The following PLCE1 variants were observed in gnomAD, a reference collection of about 807,000 sequenced individuals.
PLCE1 encodes the protein 1-phosphatidylinositol 4,5-bisphosphate phosphodiesterase epsilon-1.
Under a neutral mutation model 242.8 loss-of-function variants are expected in PLCE1, and 119 were observed. That is an observed-to-expected ratio of 0.49 (90% CI 0.42 to 0.57). The LOEUF (loss-of-function observed/expected upper bound fraction) is 0.57. PLCE1 is among the 20% of genes least tolerant of loss of function. The pLI is 0.00. For missense variants in PLCE1, 2,441 were observed against 2,788.8 expected, an observed-to-expected ratio of 0.88 and a Z score of 2.81; for synonymous variants, 945 against 1,017.4, an observed-to-expected ratio of 0.93 and a Z score of 1.35.
chr10:94,147,901 C>T (rs1342324534), intron 3 of PLCE1, among the ~76,000 whole-genome samples: 2 of 152,186 alleles, frequency 1.3e-5, no homozygotes, highest in Non-Finnish European at 2.9e-5. Context: ...AAATAAAGCA[C>T]TGTTCTTAAT....
At chr10:94,126,989 G>T (rs774920003) in intron 2 of PLCE1, among the ~76,000 whole-genome samples, 1 of 152,112 alleles carries the variant, frequency 6.6e-6, no homozygotes, top group East Asian at 1.9e-4. Flanking sequence ...GAGAAATCTG[G>T]GTTTCTATCC....
chr10:94,138,511 G>A, intron 3 of PLCE1: 1 of 470,024 alleles, frequency 2.1e-6, no homozygotes, highest in South Asian at 1.7e-5. Flanking sequence ...TAATGGAGAT[G>A]TTCCAGCCTA....
chr10:94,248,409 T>C (rs1343301558), intron 8 of PLCE1, among the ~76,000 whole-genome samples: 3 of 152,148 alleles, frequency 2.0e-5, no homozygotes, highest in Non-Finnish European at 4.4e-5. Flanking sequence ...GAGACCAGCC[T>C]GGCCAACATG....
chr10:94,038,434 C>T (rs1160668753), intron 2 of PLCE1, among the ~76,000 whole-genome samples: 1 of 152,152 alleles, frequency 6.6e-6, no homozygotes, highest in East Asian at 1.9e-4. Context: ...TTCAGAGCTT[C>T]ACATTAAATA....
chr10:94,243,528 A>T (rs180672847), intron 7 of PLCE1, among the ~76,000 whole-genome samples: 5 of 152,236 alleles, frequency 3.3e-5, no homozygotes, highest in Non-Finnish European at 2.9e-5. Context: ...CTAATGTAAG[A>T]TGTTAATAGG....
At chr10:94,150,056 C>T (rs968277110) in intron 3 of PLCE1, among the ~76,000 whole-genome samples, 5 of 152,148 alleles carry the variant, frequency 3.3e-5, no homozygotes, top group African/African-American at 1.2e-4. Flanking sequence ...TATAAATGAC[C>T]TATTTACCCA....
At chr10:94,202,279 C>T (rs2049010028) in intron 4 of PLCE1, among the ~76,000 whole-genome samples, 1 of 152,052 alleles carries the variant, frequency 6.6e-6, no homozygotes, top group Non-Finnish European at 1.5e-5. Flanking sequence ...TTTATTTATT[C>T]CTGGCTGCAA....
intron 14 of PLCE1, 88 bp from the exon 15 acceptor site, chr10:94,265,559 G>GA: frequency 8.8e-7 from 1 of 1,140,988 alleles, no homozygotes; most frequent in Non-Finnish European, 1.3e-6. Context: ...GATGAAAACA[G>GA]AACAGCTTTA....
intron 2 of PLCE1, among the ~76,000 whole-genome samples, chr10:94,035,931 A>G (rs1262882242): frequency 1.3e-5 from 2 of 152,178 alleles, no homozygotes; most frequent in Non-Finnish European, 2.9e-5. Flanking sequence ...TTGTAAATCG[A>G]TTAAGGACAA....
intron 2 of PLCE1, among the ~76,000 whole-genome samples, chr10:94,042,945 G>GT (rs1175752151): frequency 1.3e-5 from 2 of 152,104 alleles, no homozygotes; most frequent in African/African-American, 4.8e-5. Flanking sequence ...TTTTAATTTA[G>GT]TTTTCTGTGA....
chr10:94,300,150 G>A (rs966677553), intron 24 of PLCE1, among the ~76,000 whole-genome samples: 1 of 152,176 alleles, frequency 6.6e-6, no homozygotes, highest in African/African-American at 2.4e-5. Flanking sequence ...TTTTCTCAAG[G>A]AAATGGAAGT....
At chr10:94,208,451 A>G (rs2049233613) in intron 4 of PLCE1, among the ~76,000 whole-genome samples, 1 of 152,248 alleles carries the variant, frequency 6.6e-6, no homozygotes, top group African/African-American at 2.4e-5. Flanking sequence ...TGGAAGAGAC[A>G]GAAGAAAACA....
At chr10:94,206,303 G>A (rs1246336445) in intron 4 of PLCE1, among the ~76,000 whole-genome samples, 1 of 152,120 alleles carries the variant, frequency 6.6e-6, no homozygotes, top group African/African-American at 2.4e-5. Flanking sequence ...ACAGGAAGAG[G>A]GTCAGTGTGG....
chr10:94,281,165 T>A (rs2052200176), intron 20 of PLCE1, among the ~76,000 whole-genome samples: 1 of 152,232 alleles, frequency 6.6e-6, no homozygotes. Context: ...CCATTACAGT[T>A]GCAGTAATGC....
intron 5 of PLCE1, among the ~76,000 whole-genome samples, chr10:94,228,187 A>G (rs1397741194): frequency 2.0e-5 from 3 of 152,064 alleles, no homozygotes. Flanking sequence ...TCTGTTCATC[A>G]GGTTGCCTGC....
At chr10:94,078,359 C>G (rs534461512) in intron 2 of PLCE1, among the ~76,000 whole-genome samples, 170 of 152,178 alleles carry the variant, frequency 1.1e-3, no homozygotes, top group Non-Finnish European at 1.9e-3. Flanking sequence ...ATCTATAACC[C>G]CCTTTTAAAG....
At chr10:94,268,824 C>T in intron 16 of PLCE1, 105 bp from the exon 17 acceptor site, 2 of 732,234 alleles carry the variant, frequency 2.7e-6, no homozygotes, top group South Asian at 1.5e-5. Flanking sequence ...CTGCTTTAGT[C>T]CTGAGTGTAA....
chr10:94,205,086 A>C (rs1266366239), intron 4 of PLCE1, among the ~76,000 whole-genome samples: 1 of 152,176 alleles, frequency 6.6e-6, no homozygotes, highest in Non-Finnish European at 1.5e-5. Context: ...TTGAATATCA[A>C]TTGCCTTAGC....
chr10:94,165,971 G>C (rs1412087114), intron 3 of PLCE1, among the ~76,000 whole-genome samples: 2 of 152,114 alleles, frequency 1.3e-5, no homozygotes, highest in African/African-American at 4.8e-5. Flanking sequence ...CTCCCAAAGT[G>C]CTGGGATTGC....
Sources: allele counts gnomAD v4.1 joint callset (sites outside exome capture counted in the v4.1 genomes callset), GRCh38; gene constraint gnomAD v4.1.1; transcripts MANE v1.5; gene names NCBI Gene and HGNC (gene_info 2026-07-23, HGNC 2026-07-21).